The following INVS variants were observed in gnomAD, a reference collection of about 807,000 sequenced individuals.
The protein encoded by INVS is inversion of embryo turning homolog.
INVS carries 86 observed loss-of-function variants against 108.8 expected under a neutral mutation model. That is an observed-to-expected ratio of 0.79 (90% CI 0.66 to 0.95). The LOEUF (loss-of-function observed/expected upper bound fraction) is 0.95, where lower values mean the gene tolerates loss of function less well. INVS is among the 40% of genes least tolerant of loss of function. INVS has a pLI of 0.00. For synonymous variants in INVS, 455 were observed against 473.5 expected (o/e 0.96, Z 0.51); for missense variants, 1,169 against 1,297.4 (o/e 0.90, Z 1.52).
intron 13 of INVS, among the ~76,000 whole-genome samples, chr9:100,287,882 C>G (rs1833494117): frequency 6.6e-6 from 1 of 152,178 alleles, no homozygotes; most frequent in Non-Finnish European, 1.5e-5. Flanking sequence ...TATCTCATCA[C>G]ACTTGAAGTC....
chr9:100,175,377 G>A lies in INVS; in HGVS notation c.273+48828G>A. On this transcript the variant is annotated intron_variant, in intron 3 of 16. Transcript: ENST00000262457. ...TCCCAAAGGCAGACAACTCACTTCT[G>A]CAGAGAAGAGCACCGCAAAAAAGGA... is the stretch of plus-strand genomic sequence containing the variant. 3 of 798,332 alleles carry A rather than the reference G, an allele frequency of 3.8e-6. No individual in the cohort carries two copies. In the Admixed American group the frequency reaches 5.3e-5, roughly 14 times the overall value. The allele number at this position is 798,332 out of a possible 1,614,324, so 49.5% of individuals were successfully genotyped here.
chr9:100,231,589 T>G (rs1203334016), intron 5 of INVS, among the ~76,000 whole-genome samples: 1 of 150,180 alleles, frequency 6.7e-6, no homozygotes, highest in Non-Finnish European at 1.5e-5. Context: ...CTCCCACTTA[T>G]GAGAACATGT....
chr9:100,187,525 C>CTTTTTTTTTTTTTTTTTTTTTTTT (rs34728274), intron 3 of INVS, among the ~76,000 whole-genome samples: 19 of 105,560 alleles, frequency 1.8e-4, no homozygotes, highest in African/African-American at 6.2e-4. Flanking sequence ...TCTATGATTT[C>CTTTTTTTTTTTTTTTTTTTTTTTT]TTTTTTTTTT....
chr9:100,193,768 A>G (rs1397521254), intron 3 of INVS, among the ~76,000 whole-genome samples: 2 of 152,196 alleles, frequency 1.3e-5, no homozygotes, highest in African/African-American at 4.8e-5. Context: ...TGCATATACC[A>G]ATGATTTATA....
intron 3 of INVS, among the ~76,000 whole-genome samples, chr9:100,216,335 C>T (rs936586639): frequency 6.6e-5 from 10 of 152,182 alleles, no homozygotes; most frequent in African/African-American, 2.4e-4. Context: ...CATTACCACT[C>T]AGTCTCCTGG....
At chr9:100,117,939 A>G (rs942302016) in intron 2 of INVS, among the ~76,000 whole-genome samples, 1 of 152,162 alleles carries the variant, frequency 6.6e-6, no homozygotes, top group Admixed American at 6.5e-5. Context: ...ATCAGAAGTC[A>G]GCAGTCTGCA....
At chr9:100,226,271 A>G (rs770506909) in intron 4 of INVS, 36 bp downstream of exon 4, 2 of 1,581,822 alleles carry the variant, frequency 1.3e-6, no homozygotes. Flanking sequence ...TAATAAGACC[A>G]GAAAGCAAAT....
At chr9:100,276,392 C>G (rs1320908069) in intron 12 of INVS, among the ~76,000 whole-genome samples, 1 of 152,202 alleles carries the variant, frequency 6.6e-6, no homozygotes, top group Non-Finnish European at 1.5e-5. Flanking sequence ...TCACCACAGT[C>G]TGTCTCTCTT....
intron 15 of INVS, 80 bp downstream of exon 15, chr9:100,297,226 C>A: frequency 9.0e-7 from 1 of 1,115,862 alleles, no homozygotes; most frequent in Non-Finnish European, 1.3e-6. Context: ...AATTTAATTA[C>A]ATTGGGTAAA....
intron 8 of INVS, among the ~76,000 whole-genome samples, chr9:100,250,546 G>GTGTT (rs112776912): frequency 0.53 from 80,250 of 151,524 alleles, 22,377 homozygotes; most frequent in African/African-American, 0.64. Flanking sequence ...ATTACTAGAG[G>GTGTT]TGTTTAAATT....
Position 100,139,684 on chromosome 9 carries a change from C to T in INVS, c.273+13135C>T, listed in dbSNP as rs561640310. 1.4e-4 allele frequency among the ~76,000 whole-genome samples: 22 copies of T among 152,178 alleles called. No individual in the cohort carries two copies. In the East Asian group the frequency reaches 4.1e-3, roughly 28 times the overall value. On this transcript the variant is annotated intron_variant, in intron 3 of 16. Coordinates refer to ENST00000262457, the MANE Select transcript of INVS (RefSeq NM_014425.5). ...GGGAGATAGAGTCTCACTTTGTCAC[C>T]CAGGCTGGAGTGCAGTGGTGTGATC...
At chr9:100,198,193 C>CAATCTAGAA (rs1830433235) in intron 3 of INVS, among the ~76,000 whole-genome samples, 2 of 142,436 alleles carry the variant, frequency 1.4e-5, no homozygotes, top group South Asian at 4.7e-4. Context: ...TAGTGTCCTT[C>CAATCTAGAA]AATCTAGAAA....
At chr9:100,174,129 A>T (rs1829633313) in intron 3 of INVS, among the ~76,000 whole-genome samples, 1 of 152,256 alleles carries the variant, frequency 6.6e-6, no homozygotes, top group African/African-American at 2.4e-5. Flanking sequence ...ACAATGGAGA[A>T]CAACTATCTT....
At chr9:100,300,140 A>C (rs1359708716) in intron 16 of INVS, among the ~76,000 whole-genome samples, 1 of 152,228 alleles carries the variant, frequency 6.6e-6, no homozygotes, top group East Asian at 1.9e-4. Flanking sequence ...ATCCATTTTG[A>C]TATTCCCATC....
At chr9:100,195,472 C>G (rs1294450960) in intron 3 of INVS, among the ~76,000 whole-genome samples, 1 of 150,684 alleles carries the variant, frequency 6.6e-6, no homozygotes, top group Non-Finnish European at 1.5e-5. Flanking sequence ...ACACACCCCA[C>G]CACACGCAAC....
chr9:100,177,402 A>T (rs1345236407), intron 3 of INVS, among the ~76,000 whole-genome samples: 1 of 152,240 alleles, frequency 6.6e-6, no homozygotes, highest in African/African-American at 2.4e-5. Flanking sequence ...CCATCACAGC[A>T]GTCTGAAGTC....
chr9:100,176,785 T>C (rs1227699198), intron 3 of INVS, among the ~76,000 whole-genome samples: 1 of 152,124 alleles, frequency 6.6e-6, no homozygotes, highest in African/African-American at 2.4e-5. Flanking sequence ...TTACTTACTG[T>C]TAAAAACCCA....
At chr9:100,220,071 CA>C (rs1831098857) in intron 3 of INVS, among the ~76,000 whole-genome samples, 1 of 151,934 alleles carries the variant, frequency 6.6e-6, no homozygotes, top group Admixed American at 6.6e-5. Context: ...AGCAAAATAT[CA>C]AAGTATTTTT....
chr9:100,111,996 T>G (rs1455554040), intron 2 of INVS, among the ~76,000 whole-genome samples: 1 of 152,152 alleles, frequency 6.6e-6, no homozygotes. Flanking sequence ...CTTTCTTTCT[T>G]TCTTTTTTTG....
Sources: allele counts gnomAD v4.1 joint callset (sites outside exome capture counted in the v4.1 genomes callset), GRCh38; gene constraint gnomAD v4.1.1; transcripts MANE v1.5; gene names NCBI Gene and HGNC (gene_info 2026-07-23, HGNC 2026-07-21).